The following RRM1 variants were observed in gnomAD, a reference collection of about 807,000 sequenced individuals.
RRM1 encodes the protein ribonucleotide reductase catalytic subunit M1.
RRM1 carries 19 observed loss-of-function variants against 101.5 expected under a neutral mutation model. The observed-to-expected ratio is 0.19, with a 90% confidence interval of 0.13 to 0.27. The LOEUF is 0.27. Ranked by LOEUF, RRM1 falls within the 10% of genes least tolerant of loss-of-function variation. The pLI is 1.00. For synonymous variants in RRM1, 298 were observed against 323.4 expected (o/e 0.92, Z 0.84); for missense variants, 500 against 962.9 (o/e 0.52, Z 6.36).
chr11:4,105,924 G>A (rs2094557721), intron 2 of RRM1, 122 bp from the exon 3 acceptor site: 1 of 735,820 alleles, frequency 1.4e-6, no homozygotes, highest in Admixed American at 2.7e-5. Flanking sequence ...CTCAGCCACT[G>A]AGTAGCTGGG....
intron 7 of RRM1, among the ~76,000 whole-genome samples, chr11:4,117,031 A>G (rs2094574667): frequency 6.6e-6 from 1 of 152,182 alleles, no homozygotes; most frequent in Non-Finnish European, 1.5e-5. Context: ...CAAGGGCTAT[A>G]AACAAATAAT....
chr11:4,097,278 CAAA>C (rs1221330899), intron 1 of RRM1, among the ~76,000 whole-genome samples: 727 of 68,828 alleles, frequency 0.011, 4 homozygotes, highest in Non-Finnish European at 0.014. Flanking sequence ...CACTCTGTCT[CAAA>C]AAAAAAAAAA....
In RRM1 at chr11:4,121,633, G is replaced by T; in HGVS notation, c.906G>T (p.Glu302Asp). Residue 302 changes from glutamate to aspartate, a missense_variant, in exon 10 of 19, where the codon GAG becomes GAT. Physicochemically the swap from Glu to Asp is conservative, Grantham distance 45. Coordinates refer to ENST00000300738, the MANE Select transcript of RRM1 (RefSeq NM_001033.5). ...KRPGAFAIYL[E>D]PWHLDIFEFL... ...CTGGGGCATTTGCTATTTACCTGGA[G>T]CCTTGGCATTTAGACATCTTTGAAT... is the stretch of plus-strand genomic sequence containing the variant. 6.2e-7 allele frequency: 1 copy of T among 1,613,718 alleles called. No homozygotes were observed. The highest frequency in any genetic ancestry group is 8.5e-7 in the Non-Finnish European group (1 of 1,179,840).
intron 7 of RRM1, among the ~76,000 whole-genome samples, chr11:4,116,657 T>A (rs1713617844): frequency 6.6e-6 from 1 of 151,814 alleles, no homozygotes; most frequent in Non-Finnish European, 1.5e-5. Flanking sequence ...ATTTGCAACA[T>A]GTTAACTATT....
chr11:4,096,891 G>A (rs1380019608), intron 1 of RRM1, among the ~76,000 whole-genome samples: 5 of 152,064 alleles, frequency 3.3e-5, no homozygotes, highest in East Asian at 1.9e-4. Context: ...AATTGAAAAT[G>A]TATGGACTTA....
intron 5 of RRM1, among the ~76,000 whole-genome samples, chr11:4,110,768 CAA>C (rs968622381): frequency 4.5e-4 from 23 of 51,352 alleles, no homozygotes; most frequent in Non-Finnish European, 2.8e-4. Flanking sequence ...GACTCTGTCT[CAA>C]AAAAAAAAAA....
intron 5 of RRM1, among the ~76,000 whole-genome samples, chr11:4,110,583 C>G (rs1287212832): frequency 6.6e-5 from 10 of 151,932 alleles, no homozygotes; most frequent in African/African-American, 2.4e-4. Context: ...GCCTGGGCCA[C>G]GTGGCGAAAT....
chr11:4,119,191 T>C (rs1422396770), intron 8 of RRM1: 1 of 152,414 alleles, frequency 6.6e-6, no homozygotes, highest in Non-Finnish European at 1.5e-5. Flanking sequence ...AAGGAAATTA[T>C]TCCATTATGT....
intron 2 of RRM1, among the ~76,000 whole-genome samples, chr11:4,103,968 A>T (rs2094555200): frequency 8.5e-6 from 1 of 117,440 alleles, no homozygotes; most frequent in Non-Finnish European, 1.8e-5. Flanking sequence ...AAAAAAAAAA[A>T]TTGGTTGGGT....
At chr11:4,108,980 A>C (rs1454164832) in intron 4 of RRM1, among the ~76,000 whole-genome samples, 1 of 152,106 alleles carries the variant, frequency 6.6e-6, no homozygotes, top group Non-Finnish European at 1.5e-5. Flanking sequence ...CTCCAAAATG[A>C]TTATTTGTAC....
chr11:4,120,662 C>T (rs1000039596), intron 9 of RRM1, among the ~76,000 whole-genome samples: 1 of 152,140 alleles, frequency 6.6e-6, no homozygotes, highest in African/African-American at 2.4e-5. Context: ...CACTGCACCT[C>T]GCCTAGGTTG....
chr11:4,138,076 AC>A (rs540798029), intron 18 of RRM1, 118 bp from the exon 19 acceptor site: 4 of 37,166 alleles, frequency 1.1e-4, no homozygotes, highest in African/African-American at 2.3e-4. Context: ...GCGGGGGCTG[AC>A]CCCCCCACCT....
At chr11:4,134,253 T>A (rs552366566) in intron 17 of RRM1, among the ~76,000 whole-genome samples, 2 of 152,196 alleles carry the variant, frequency 1.3e-5, no homozygotes, top group Non-Finnish European at 2.9e-5. Flanking sequence ...ATTACATGCA[T>A]GAGCCACCGT....
chr11:4,098,076 G>A (rs2094546036), intron 1 of RRM1, among the ~76,000 whole-genome samples: 1 of 152,126 alleles, frequency 6.6e-6, no homozygotes, highest in African/African-American at 2.4e-5. Context: ...TAACTGAGTT[G>A]TAAACTGTTT....
Position 4,129,222 on chromosome 11 carries a change from A to G in RRM1, c.1769+72A>G. ...TTCACCTTCTGGATCTTCAGAAGTT[A>G]GATATGTCATTTTAACTTCTTAAAC... is the stretch of plus-strand genomic sequence containing the variant. On this transcript the variant is annotated intron_variant, in intron 15 of 18. Coordinates refer to ENST00000300738, the MANE Select transcript of RRM1 (RefSeq NM_001033.5). 5 of 862,592 alleles carry G rather than the reference A, an allele frequency of 5.8e-6. No homozygotes were observed. The Admixed American group carries it at 1.2e-4, about 20-fold the overall frequency. The allele number at this position is 862,592 out of a possible 1,614,324, so 53.4% of individuals were successfully genotyped here.
chr11:4,126,869 G>T, intron 13 of RRM1, 36 bp downstream of exon 13: 1 of 1,544,336 alleles, frequency 6.5e-7, no homozygotes, highest in Non-Finnish European at 8.8e-7. Flanking sequence ...GGTAATTATT[G>T]AAATCCAAAT....
chr11:4,127,751 G>A (rs937135004), intron 14 of RRM1, among the ~76,000 whole-genome samples: 2 of 152,230 alleles, frequency 1.3e-5, no homozygotes, highest in South Asian at 4.1e-4. Context: ...GTCCTCTGGA[G>A]TAAAAAGGAT....
Position 4,138,620 on chromosome 11 carries a change from A to G in RRM1, c.*237A>G. The G allele has an allele frequency of 3.1e-6, 1 of 326,428 alleles. No individual in the cohort carries two copies. The highest frequency in any genetic ancestry group is 5.5e-6 in the Non-Finnish European group (1 of 180,682). The allele number at this position is 326,428 out of a possible 1,614,324, so 20.2% of individuals were successfully genotyped here. A position where few individuals can be genotyped will look rare whatever the true frequency, so the allele number is the denominator to read the frequency against. ...AAAGAAAAAAAAAACGGATATATTG[A>G]GAATCAAAGTAGAAGTTTTAGGAAT... On this transcript the variant is annotated 3_prime_UTR_variant, in exon 19 of 19. Coordinates refer to ENST00000300738, the MANE Select transcript of RRM1 (RefSeq NM_001033.5).
rs1356379907 is a variant in RRM1, at chr11:4,121,506, TGAAAATCAAAG to T, written c.877-95_877-85del. The T allele has an allele frequency of 8.3e-6, 6 of 725,532 alleles. No individual in the cohort carries two copies. In the African/African-American group the frequency reaches 9.0e-5, roughly 11 times the overall value. 44.9% of individuals were successfully genotyped at this position (725,532 alleles called of 1,614,324 possible). On this transcript the variant is annotated intron_variant, in intron 9 of 18. Coordinates refer to ENST00000300738, the MANE Select transcript of RRM1 (RefSeq NM_001033.5). ...ATTTATGTTATTTAATTCATTGTAG[TGAAAATCAAAG>T]GAGATACTATAAAAGTGCTTTGGGA...
Sources: gnomAD v4.1 joint callset for allele counts (sites outside exome capture counted in the v4.1 genomes callset) on GRCh38, gnomAD v4.1.1 for gene constraint, MANE v1.5 for transcripts, NCBI Gene and HGNC (gene_info 2026-07-23, HGNC 2026-07-21) for gene names.